MAPT: variants seen among roughly 807,000 people sequenced by gnomAD.
MAPT encodes microtubule associated protein tau.
A neutral mutation model predicts 67.9 loss-of-function variants in MAPT; 34 were observed. The ratio of observed to expected loss-of-function variants is 0.50; its 90% CI spans 0.38 to 0.67. The LOEUF (loss-of-function observed/expected upper bound fraction) is 0.67, where lower values mean the gene tolerates loss of function less well. Ranked by LOEUF, MAPT falls within the 30% of genes least tolerant of loss-of-function variation. The probability of loss-of-function intolerance (pLI) is 0.00; values close to 1 mark genes in which losing one functional copy is unlikely to be tolerated. For missense variants in MAPT, 881 were observed against 1,115.2 expected (o/e 0.79, Z 2.99); for synonymous variants, 456 against 464.5 (o/e 0.98, Z 0.23).
chr17:45,899,503 G>C (rs769505455), intron 1 of MAPT, among the ~76,000 whole-genome samples: 11 of 152,194 alleles, frequency 7.2e-5, no homozygotes, highest in Admixed American at 2.0e-4. Flanking sequence ...CACAGAGAGG[G>C]TTAGTAACTT....
chr17:45,956,422 C>G (rs2069658071), intron 1 of MAPT, among the ~76,000 whole-genome samples: 1 of 152,002 alleles, frequency 6.6e-6, no homozygotes, highest in South Asian at 2.1e-4. Context: ...GGGAGCTGCT[C>G]TCTCTAGAAC....
intron 1 of MAPT, among the ~76,000 whole-genome samples, chr17:45,929,961 C>A (rs1302605507): frequency 6.6e-6 from 1 of 152,184 alleles, no homozygotes; most frequent in Non-Finnish European, 1.5e-5. Flanking sequence ...CTCTGGCAAG[C>A]CAAGTTCCTT....
chr17:45,983,198 G>A lies in MAPT; in HGVS notation c.619G>A (p.Val207Ile), dbSNP rs764486429. 38 of 1,608,802 alleles carry A rather than the reference G, an allele frequency of 2.4e-5. No individual in the cohort carries two copies. In the East Asian group the frequency reaches 3.8e-4, roughly 16 times the overall value. The stretch of plus-strand genomic sequence containing the variant: ...CACAGAGCCTGAAAGTGGTAAGGTG[G>A]TCCAGGAAGGCTTCCTCCGAGAGCC... ...LHTEPESGKV[V>I]QEGFLREPGP... Residue 207 changes from valine (V) to isoleucine (I), a missense_variant, in exon 5 of 13, where the codon GTC becomes ATC. By Grantham distance (29) the Val-to-Ile change is conservative (BLOSUM62 3). Transcript: ENST00000262410.
intron 9 of MAPT, among the ~76,000 whole-genome samples, chr17:46,006,093 T>TA (rs2075389443): frequency 6.6e-6 from 1 of 152,152 alleles, no homozygotes; most frequent in South Asian, 2.1e-4. Flanking sequence ...GAGAAGGAAT[T>TA]ACAAAGGAAG....
intron 10 of MAPT, among the ~76,000 whole-genome samples, chr17:46,011,380 A>G (rs920450719): frequency 6.6e-6 from 1 of 152,218 alleles, no homozygotes; most frequent in Non-Finnish European, 1.5e-5. Flanking sequence ...TAGGCAACAG[A>G]GTGAGACTTT....
chr17:46,014,399 T>C, intron 11 of MAPT, 75 bp downstream of exon 11: 1 of 1,009,824 alleles, frequency 9.9e-7, no homozygotes, highest in Non-Finnish European at 1.6e-6. Context: ...CTGGAACTGC[T>C]CCAGACTTCA....
intron 1 of MAPT, among the ~76,000 whole-genome samples, chr17:45,911,986 C>T (rs548973540): frequency 6.6e-6 from 1 of 152,278 alleles, no homozygotes; most frequent in African/African-American, 2.4e-5. Context: ...TTAGATTCTC[C>T]TGAAAACTGG....
intron 4 of MAPT, among the ~76,000 whole-genome samples, chr17:45,981,122 G>A (rs754106770): frequency 1.7e-4 from 26 of 152,142 alleles, no homozygotes; most frequent in African/African-American, 2.4e-4. Flanking sequence ...CCTTGCCTCC[G>A]ATGGGGTCGG....
intron 6 of MAPT, among the ~76,000 whole-genome samples, chr17:45,988,743 T>C (rs2073811032): frequency 6.6e-6 from 1 of 151,556 alleles, no homozygotes; most frequent in Non-Finnish European, 1.5e-5. Flanking sequence ...CTGGGCAACA[T>C]AGCAAGACCC....
At position 46,024,327 on chromosome 17, in the gene MAPT, T is replaced by G. The variant is rs2076713812; in HGVS notation, c.*156T>G. The G allele has an allele frequency of 1.4e-6, 1 of 715,522 alleles. No individual in the cohort carries two copies. The highest frequency in any genetic ancestry group is 2.1e-5 in the Admixed American group (1 of 47,614). 44.3% of individuals were successfully genotyped at this position (715,522 alleles called of 1,614,324 possible). ...CTTAACCTGCTTTTGTCACTCGGCT[T>G]TGGCTCGGGACTTCAAAATCAGTGA... On this transcript the variant is annotated 3_prime_UTR_variant, in exon 13 of 13. Coordinates refer to ENST00000262410, the MANE Select transcript of MAPT (RefSeq NM_001377265.1).
intron 1 of MAPT, among the ~76,000 whole-genome samples, chr17:45,920,994 T>C (rs2065659394): frequency 6.6e-6 from 1 of 152,206 alleles, no homozygotes; most frequent in Admixed American, 6.5e-5. Context: ...TTGTACAGCA[T>C]GATGAACAAG....
chr17:45,993,486 A>G (rs2074236413), intron 8 of MAPT, among the ~76,000 whole-genome samples: 1 of 152,104 alleles, frequency 6.6e-6, no homozygotes, highest in Non-Finnish European at 1.5e-5. Context: ...CAATCTTGGC[A>G]TACTGCAACC....
chr17:46,014,578 A>C (rs966673397), intron 11 of MAPT, among the ~76,000 whole-genome samples: 5 of 152,178 alleles, frequency 3.3e-5, no homozygotes, highest in East Asian at 1.9e-4. Flanking sequence ...GCACAGAAAG[A>C]AAGCACATAT....
At chr17:45,988,597 G>T (rs1487302139) in intron 6 of MAPT, among the ~76,000 whole-genome samples, 2 of 152,012 alleles carry the variant, frequency 1.3e-5, no homozygotes, top group Non-Finnish European at 2.9e-5. Flanking sequence ...AAGCAGTGTT[G>T]TTTACACTGA....
At position 45,964,191 on chromosome 17, in the gene MAPT, G is replaced by GT. The variant is rs201983444; in HGVS notation, c.133+1725dup. Among the ~76,000 whole-genome samples, 511 of 151,278 alleles carry GT rather than the reference G, an allele frequency of 3.4e-3. 2 individuals are homozygous for GT. The highest frequency in any genetic ancestry group is 6.7e-3 in the Non-Finnish European group (450 of 67,436). On this transcript the variant is annotated intron_variant, in intron 2 of 12. Coordinates refer to ENST00000262410, the MANE Select transcript of MAPT (RefSeq NM_001377265.1). ...AGCCAGGAGATCTGTTTTCTCCTTT[G>GT]TTTTGTTTTTTTTTGTTTTGTTTTG...
At chr17:45,902,385 T>A (rs1204008602) in intron 1 of MAPT, among the ~76,000 whole-genome samples, 1 of 152,142 alleles carries the variant, frequency 6.6e-6, no homozygotes, top group African/African-American at 2.4e-5. Flanking sequence ...GCACCTTATT[T>A]AGGATATGTG....
chr17:45,935,552 T>C (rs1488832286), intron 1 of MAPT, among the ~76,000 whole-genome samples: 1 of 152,152 alleles, frequency 6.6e-6, no homozygotes, highest in East Asian at 1.9e-4. Context: ...ATGCATGTGC[T>C]TCATCTGCTG....
In MAPT at chr17:45,915,239, G is replaced by A. The variant is rs571047026; in HGVS notation, c.-18+20553G>A. Among the ~76,000 whole-genome samples, 2 of 152,086 alleles carry A rather than the reference G, an allele frequency of 1.3e-5. No individual in the cohort carries two copies. The highest frequency in any genetic ancestry group is 4.2e-4 in the South Asian group (2 of 4,816). On this transcript the variant is annotated intron_variant, in intron 1 of 12. Coordinates refer to ENST00000262410, the MANE Select transcript of MAPT (RefSeq NM_001377265.1). This position sits in a 1 kb window ranked among gnomAD's most constrained non-coding sequence, Gnocchi z 4.4. Reference sequence around the variant, plus strand: ...GCGCAAAGTGTGGGGGGATGGGGGTGAGTGTGTGTGGTGTGTAAGCATGAG... The same window carrying A: ...GCGCAAAGTGTGGGGGGATGGGGGTAAGTGTGTGTGGTGTGTAAGCATGAG...
At chr17:45,941,923 TC>T (rs2068036525) in intron 1 of MAPT, among the ~76,000 whole-genome samples, 1 of 151,986 alleles carries the variant, frequency 6.6e-6, no homozygotes, top group African/African-American at 2.4e-5. Flanking sequence ...TTCTTCCTGA[TC>T]CAAATTCTGA....
Sources: allele counts gnomAD v4.1 joint callset (sites outside exome capture counted in the v4.1 genomes callset), GRCh38; gene constraint gnomAD v4.1.1; non-coding constraint Gnocchi (gnomAD v3.1); transcripts MANE v1.5; gene names NCBI Gene and HGNC (gene_info 2026-07-23, HGNC 2026-07-21).